The following TBC1D30 variants were observed in gnomAD, a reference collection of about 807,000 sequenced individuals.
TBC1D30 encodes TBC1 domain family member 30.
Under a neutral mutation model 63.2 loss-of-function variants are expected in TBC1D30, and 31 were observed. That is an observed-to-expected ratio of 0.49 (90% CI 0.37 to 0.66). The LOEUF (loss-of-function observed/expected upper bound fraction) is 0.66, where lower values mean the gene tolerates loss of function less well. TBC1D30 is among the 30% of genes least tolerant of loss of function. TBC1D30 has a pLI of 0.00. For synonymous variants in TBC1D30, 307 were observed against 361.5 expected, an observed-to-expected ratio of 0.85 and a Z score of 1.71; for missense variants, 810 against 953.6, an observed-to-expected ratio of 0.85 and a Z score of 1.98.
At chr12:64,849,931 T>C (rs1344525733) in intron 8 of TBC1D30, among the ~76,000 whole-genome samples, 1 of 152,182 alleles carries the variant, frequency 6.6e-6, no homozygotes, top group Non-Finnish European at 1.5e-5. Flanking sequence ...CATTTGTTTG[T>C]GCCCTGTCTT....
upstream of TBC1D30, among the ~76,000 whole-genome samples, chr12:64,779,688 C>G (rs1871177936): frequency 6.6e-6 from 1 of 152,004 alleles, no homozygotes; most frequent in African/African-American, 2.4e-5. Flanking sequence ...TAGCATTTGA[C>G]TAATATATAT....
Position 64,875,181 on chromosome 12 carries a change from A to T in TBC1D30, c.1679A>T (p.Lys560Met). Residue 560 changes from lysine to methionine, a missense_variant, in exon 12 of 12, where the codon AAG becomes ATG. Physicochemically the swap from Lys to Met is moderately conservative, Grantham distance 95 (BLOSUM62 -1). Around this residue, in one of 4 missense-constraint regions of TBC1D30, gnomAD observed 450 missense variants for 473.0 expected, o/e 0.95. Transcript: ENST00000539867. ...SPVPYEDLKT[K>M]LNSPWRTHIR... ...GTCCCCTACGAAGACCTTAAGACGA[A>T]GCTCAACTCCCCGTGGCGAACTCAC... 1 of 1,536,380 alleles carries T rather than the reference A, an allele frequency of 6.5e-7. No homozygotes were observed. The highest frequency in any genetic ancestry group is 8.7e-7 in the Non-Finnish European group (1 of 1,146,914).
rs553728736 is a variant in TBC1D30, at chr12:64,877,033, C to T, written c.*1245C>T. 2.2e-4 allele frequency: 84 copies of T among 380,438 alleles called. 1 individual carries two copies. Among genetic ancestry groups the T allele is most frequent in the South Asian group, 1.5e-3 (74 of 50,848 alleles). The allele number at this position is 380,438 out of a possible 1,614,324, so 23.6% of individuals were successfully genotyped here. A position where few individuals can be genotyped will look rare whatever the true frequency, so the allele number is the denominator to read the frequency against. The stretch of plus-strand genomic sequence containing the variant: ...GTACACAGATGTATTGGCTACATAG[C>T]GTGTAAAAACCAAGACTGGGAAGCC... On this transcript the variant is annotated 3_prime_UTR_variant, in exon 12 of 12. Coordinates refer to ENST00000539867, the MANE Select transcript of TBC1D30 (RefSeq NM_015279.2).
chr12:64,824,195 A>G (rs1444876753), upstream of TBC1D30, among the ~76,000 whole-genome samples: 2 of 151,836 alleles, frequency 1.3e-5, no homozygotes, highest in African/African-American at 4.9e-5. Flanking sequence ...CTGGAAGCCC[A>G]TTTTTCTAAA....
At chr12:64,772,038 T>C (rs1018300812) in intron 1 of TBC1D30, among the ~76,000 whole-genome samples, 13 of 152,056 alleles carry the variant, frequency 8.5e-5, no homozygotes, top group African/African-American at 2.9e-4. Context: ...GCGGATCACC[T>C]GAGGTCGAGA....
In TBC1D30 at chr12:64,875,679, A is replaced by G; in HGVS notation, c.2177A>G (p.Asn726Ser). 6.5e-7 allele frequency: 1 copy of G among 1,536,474 alleles called. No homozygotes were observed. Among genetic ancestry groups the G allele is most frequent in the East Asian group, 2.4e-5 (1 of 40,910 alleles). ...KPLRKSATAR[N>S]LGLYGPTERT... ...CTGCGGAAATCTGCTACTGCCAGGA[A>G]CTTGGGATTATATGGCCCTACAGAA... The change falls in exon 12 of 12, where the codon AAC becomes AGC. Residue 726 changes from asparagine to serine, a missense_variant. Physicochemically the swap from Asn to Ser is conservative, Grantham distance 46. Around this residue, in one of 4 missense-constraint regions of TBC1D30, gnomAD observed 450 missense variants for 473.0 expected, o/e 0.95. Coordinates refer to ENST00000539867, the MANE Select transcript of TBC1D30 (RefSeq NM_015279.2).
chr12:64,764,329 T>C (rs1479308811), intron 1 of TBC1D30, among the ~76,000 whole-genome samples: 2 of 152,220 alleles, frequency 1.3e-5, no homozygotes, highest in Non-Finnish European at 2.9e-5. Context: ...TAAGCAAAAA[T>C]GCATCCAATT....
intron 5 of TBC1D30, 111 bp downstream of exon 5, chr12:64,832,415 C>A (rs1426126978): frequency 1.4e-5 from 15 of 1,079,300 alleles, no homozygotes; most frequent in Non-Finnish European, 2.0e-5. Context: ...TTTGCCACAC[C>A]TTTGTAATGA....
intron 8 of TBC1D30, among the ~76,000 whole-genome samples, chr12:64,856,091 G>A (rs1877274046): frequency 6.6e-6 from 1 of 151,578 alleles, no homozygotes. Context: ...GGCCCAGGGA[G>A]CTTTTAATCA....
At chr12:64,825,387 C>T (rs1006896850) in intron 1 of TBC1D30, 14 of 240,988 alleles carry the variant, frequency 5.8e-5, no homozygotes, top group Non-Finnish European at 8.0e-5. Flanking sequence ...GTTCCAGGCT[C>T]GCAGGAAGCC....
At chr12:64,760,033 A>C (rs565362503) in intron 1 of TBC1D30, among the ~76,000 whole-genome samples, 2 of 152,334 alleles carry the variant, frequency 1.3e-5, no homozygotes, top group African/African-American at 4.8e-5. Context: ...CTCAGCAGAC[A>C]TCGTAGTTTC....
At chr12:64,768,313 C>T (rs1424712657) in intron 1 of TBC1D30, 1 of 151,958 alleles carries the variant, frequency 6.6e-6, no homozygotes, top group East Asian at 1.9e-4. Flanking sequence ...TTACAAGTTT[C>T]TTCCGACTTG....
upstream of TBC1D30, among the ~76,000 whole-genome samples, chr12:64,778,891 G>T (rs937243809): frequency 6.6e-6 from 1 of 152,106 alleles, no homozygotes; most frequent in African/African-American, 2.4e-5. Flanking sequence ...TCTAGGGGAA[G>T]ATCATTCCAT....
chr12:64,807,918 GT>G lies in TBC1D30; in HGVS notation c.644-19900del, dbSNP rs774145443. On this transcript the variant is annotated intron_variant, in intron 2 of 12. Coordinates refer to the TBC1D30 transcript ENST00000542120. Reference sequence around the variant, plus strand: ...GCCCATGCCACCCTGCCTAATTTAAGTTTTTTTTTTTTTTTTTGTAGAGCTG... The same window carrying G: ...GCCCATGCCACCCTGCCTAATTTAAGTTTTTTTTTTTTTTTTGTAGAGCTG... Among the ~76,000 whole-genome samples the G allele has an allele frequency of 7.0e-3, 657 of 93,490 alleles. 9 individuals carry two copies. The highest frequency in any genetic ancestry group is 0.033 in the Middle Eastern group (5 of 150). The allele number at this position is 93,490 out of a possible 152,430, so 61.3% of individuals were successfully genotyped here.
At chr12:64,788,112 G>A (rs966383873) in intron 2 of TBC1D30, among the ~76,000 whole-genome samples, 2 of 152,000 alleles carry the variant, frequency 1.3e-5, no homozygotes, top group Admixed American at 6.6e-5. Flanking sequence ...ATGCGATTGA[G>A]TAGACTGACT....
chr12:64,841,710 G>C (rs1250934906), intron 7 of TBC1D30, among the ~76,000 whole-genome samples: 2 of 152,204 alleles, frequency 1.3e-5, no homozygotes, highest in Non-Finnish European at 2.9e-5. Flanking sequence ...TCCTGCATCT[G>C]TGTCTTTGGG....
intron 2 of TBC1D30, among the ~76,000 whole-genome samples, chr12:64,794,665 G>A (rs1592552897): frequency 6.6e-6 from 1 of 152,164 alleles, no homozygotes; most frequent in African/African-American, 2.4e-5. Flanking sequence ...AAACTCCTGG[G>A]CTCAATCAAG....
chr12:64,812,828 T>A (rs530780985), intron 2 of TBC1D30, among the ~76,000 whole-genome samples: 1 of 152,224 alleles, frequency 6.6e-6, no homozygotes, highest in Admixed American at 6.5e-5. Context: ...CTTTATTAAT[T>A]TATGAAGAGC....
chr12:64,860,787 A>G (rs1877724004), intron 8 of TBC1D30, among the ~76,000 whole-genome samples: 1 of 152,136 alleles, frequency 6.6e-6, no homozygotes, highest in Non-Finnish European at 1.5e-5. Context: ...GAGTGTGAGC[A>G]ACTTGTTGGT....
Sources: allele counts gnomAD v4.1 joint callset (sites outside exome capture counted in the v4.1 genomes callset), GRCh38; gene constraint gnomAD v4.1.1; regional missense constraint gnomAD v4.1.1; transcripts MANE v1.5; gene names NCBI Gene and HGNC (gene_info 2026-07-23, HGNC 2026-07-21).